The following ACOXL variants were observed in gnomAD, a reference collection of about 807,000 sequenced individuals.
The protein encoded by ACOXL is acyl-coenzyme A oxidase-like protein.
In ACOXL, 70 loss-of-function variants were observed where a neutral mutation model predicts 71.9. The observed-to-expected ratio is 0.97, with a 90% CI of 0.80 to 1.19. The LOEUF (loss-of-function observed/expected upper bound fraction) is 1.19. Among genes scored for constraint, ACOXL ranks in the 50% most tolerant of loss-of-function variants. ACOXL has a pLI of 0.00. For synonymous variants in ACOXL, 253 were observed against 281.6 expected (o/e 0.90, Z 1.02); for missense variants, 703 against 736.3 (o/e 0.95, Z 0.52).
chr2:110,996,807 A>G (rs1371287087), intron 14 of ACOXL, among the ~76,000 whole-genome samples: 1 of 152,138 alleles, frequency 6.6e-6, no homozygotes, highest in Non-Finnish European at 1.5e-5. Context: ...AAGAGGATGG[A>G]TGGTACATGG....
chr2:110,756,743 A>G (rs1679750800), intron 1 of ACOXL, among the ~76,000 whole-genome samples: 1 of 152,166 alleles, frequency 6.6e-6, no homozygotes, highest in South Asian at 2.1e-4. Context: ...TCTTACATAT[A>G]TTAAATTTCC....
At chr2:111,018,984 C>T (rs1357557855) in intron 14 of ACOXL, among the ~76,000 whole-genome samples, 1 of 152,228 alleles carries the variant, frequency 6.6e-6, no homozygotes, top group African/African-American at 2.4e-5. Flanking sequence ...CCAGCACCAG[C>T]TGAGCTGCTG....
chr2:110,913,143 C>G (rs1353478327), intron 11 of ACOXL, among the ~76,000 whole-genome samples: 1 of 152,198 alleles, frequency 6.6e-6, no homozygotes, highest in Non-Finnish European at 1.5e-5. Context: ...AAACCTCATA[C>G]ATTGCTGGTG....
intron 9 of ACOXL, among the ~76,000 whole-genome samples, chr2:110,838,132 C>G (rs530320020): frequency 6.6e-6 from 1 of 152,160 alleles, no homozygotes; most frequent in African/African-American, 2.4e-5. Flanking sequence ...TGTGCACATG[C>G]GGTGGTACAC....
intron 1 of ACOXL, among the ~76,000 whole-genome samples, chr2:110,755,452 G>A (rs537843408): frequency 2.3e-3 from 357 of 152,276 alleles, no homozygotes; most frequent in Non-Finnish European, 3.5e-3. Context: ...TAAATGTGGC[G>A]GTTTATATTT....
chr2:110,828,915 G>A (rs1573721011), intron 9 of ACOXL, among the ~76,000 whole-genome samples: 1 of 152,162 alleles, frequency 6.6e-6, no homozygotes, highest in East Asian at 1.9e-4. Flanking sequence ...AGGTTCAAGT[G>A]ATTCTCCTGC....
chr2:110,911,432 G>A (rs902686095), intron 11 of ACOXL, among the ~76,000 whole-genome samples: 4 of 151,914 alleles, frequency 2.6e-5, no homozygotes, highest in Non-Finnish European at 5.9e-5. Flanking sequence ...AAACTATAGA[G>A]CAATATCACT....
intron 14 of ACOXL, among the ~76,000 whole-genome samples, chr2:111,002,548 A>G (rs531924959): frequency 1.3e-5 from 2 of 152,334 alleles, no homozygotes; most frequent in East Asian, 3.9e-4. Context: ...TATCCTTAAC[A>G]GTATGGCTTT....
chr2:110,790,473 A>G (rs1458008147), intron 3 of ACOXL, among the ~76,000 whole-genome samples: 1 of 152,092 alleles, frequency 6.6e-6, no homozygotes, highest in Non-Finnish European at 1.5e-5. Context: ...CGTGTGCTCG[A>G]TGTCATAGCT....
chr2:110,780,054 T>A (rs1471248126), intron 2 of ACOXL, among the ~76,000 whole-genome samples: 1 of 152,212 alleles, frequency 6.6e-6, no homozygotes, highest in African/African-American at 2.4e-5. Context: ...AATGCATATA[T>A]CTGACAAAAA....
intron 14 of ACOXL, among the ~76,000 whole-genome samples, chr2:110,997,474 T>C (rs1363218494): frequency 6.6e-6 from 1 of 152,176 alleles, no homozygotes. Context: ...TGTCATTCAC[T>C]AGCTCCAAAT....
intron 3 of ACOXL, among the ~76,000 whole-genome samples, chr2:110,790,399 G>T (rs955513705): frequency 6.6e-6 from 1 of 151,914 alleles, no homozygotes; most frequent in African/African-American, 2.4e-5. Context: ...CCAGCCCTCA[G>T]CTGTCTCACA....
At chr2:110,892,249 T>C (rs1275227913) in intron 10 of ACOXL, among the ~76,000 whole-genome samples, 1 of 152,148 alleles carries the variant, frequency 6.6e-6, no homozygotes, top group Non-Finnish European at 1.5e-5. Flanking sequence ...AGGTAATAGA[T>C]TAGGCAGACA....
chr2:110,989,038 T>C (rs1187739877), intron 13 of ACOXL, among the ~76,000 whole-genome samples: 1 of 152,186 alleles, frequency 6.6e-6, no homozygotes, highest in Non-Finnish European at 1.5e-5. Context: ...GTCGAACTTA[T>C]CAATCTTTTC....
chr2:110,763,808 G>C (rs1221999691), intron 1 of ACOXL, among the ~76,000 whole-genome samples: 1 of 152,152 alleles, frequency 6.6e-6, no homozygotes, highest in Non-Finnish European at 1.5e-5. Context: ...ATATAAGACT[G>C]TTATTCAGAA....
At chr2:110,813,613 G>T (rs1180418963) in intron 9 of ACOXL, among the ~76,000 whole-genome samples, 1 of 152,158 alleles carries the variant, frequency 6.6e-6, no homozygotes, top group Non-Finnish European at 1.5e-5. Context: ...CTGTCCCTAG[G>T]AGCTTTTCCA....
chr2:111,083,564 G>GTT lies in ACOXL; in HGVS notation c.1441-9291_1441-9290dup, dbSNP rs577189731. Reference sequence around the variant, plus strand: ...AAACCTTGGAGTCCAGGGTTTTTTTGTTTTTTTTTTTGAATAGTCACATAA... The same window carrying GTT: ...AAACCTTGGAGTCCAGGGTTTTTTTGTTTTTTTTTTTTTGAATAGTCACATAA... On this transcript the variant is annotated intron_variant, in intron 16 of 17. Transcript: ENST00000439055. 2.0e-4 allele frequency among the ~76,000 whole-genome samples: 29 copies of GTT among 144,566 alleles called. No individual in the cohort carries two copies. The South Asian group carries it at 2.9e-3, about 14-fold the overall frequency. 94.8% of individuals were successfully genotyped at this position (144,566 alleles called of 152,430 possible).
chr2:111,007,521 T>A (rs2063933601), intron 14 of ACOXL, among the ~76,000 whole-genome samples: 1 of 152,236 alleles, frequency 6.6e-6, no homozygotes, highest in Non-Finnish European at 1.5e-5. Context: ...TCTTGCCAAT[T>A]GTTCCAAGCA....
intron 12 of ACOXL, among the ~76,000 whole-genome samples, chr2:110,951,844 G>A (rs1194105618): frequency 1.3e-5 from 2 of 152,186 alleles, no homozygotes; most frequent in South Asian, 2.1e-4. Context: ...CAGTCATGAT[G>A]TATGTGTGTG....
Sources: allele counts gnomAD v4.1 joint callset (sites outside exome capture counted in the v4.1 genomes callset), GRCh38; gene constraint gnomAD v4.1.1; transcripts MANE v1.5; gene names NCBI Gene and HGNC (gene_info 2026-07-23, HGNC 2026-07-21).